PTPRD: variants seen among roughly 807,000 people sequenced by gnomAD.
The protein encoded by PTPRD is receptor-type tyrosine-protein phosphatase delta.
A neutral mutation model predicts 214.5 loss-of-function variants in PTPRD; 34 were observed. The observed-to-expected ratio is 0.16, with a 90% CI of 0.12 to 0.21. The LOEUF (loss-of-function observed/expected upper bound fraction) is 0.21. PTPRD is among the 10% of genes least tolerant of loss of function. The pLI is 1.00. For missense variants in PTPRD, 2,545 were observed against 2,398.7 expected, an observed-to-expected ratio of 1.06 and a Z score of -1.27; for synonymous variants, 1,128 against 845.7, an observed-to-expected ratio of 1.33 and a Z score of -5.79.
At chr9:8,367,875 C>G (rs2080366717) in intron 39 of PTPRD, among the ~76,000 whole-genome samples, 1 of 152,128 alleles carries the variant, frequency 6.6e-6, no homozygotes, top group African/African-American at 2.4e-5. Flanking sequence ...CTTATTTAAT[C>G]TTTAAAACCA....
chr9:9,333,802 T>A (rs1394583918), intron 9 of PTPRD, among the ~76,000 whole-genome samples: 2 of 151,966 alleles, frequency 1.3e-5, no homozygotes, highest in East Asian at 3.9e-4. Flanking sequence ...GTAGATGTGG[T>A]TGGAAAATAA....
At chr9:10,307,308 G>C (rs1656367170) in intron 3 of PTPRD, among the ~76,000 whole-genome samples, 1 of 152,000 alleles carries the variant, frequency 6.6e-6, no homozygotes. Context: ...TCTCACATAT[G>C]AGTAAGAACA....
intron 10 of PTPRD, chr9:9,090,887 G>C (rs193209771): frequency 1.8e-6 from 2 of 1,109,230 alleles, no homozygotes; most frequent in Admixed American, 3.4e-5. Flanking sequence ...TCTCCGGTCC[G>C]TGCCTCCAAG....
At chr9:10,311,141 T>C (rs1023192250) in intron 3 of PTPRD, among the ~76,000 whole-genome samples, 2 of 152,006 alleles carry the variant, frequency 1.3e-5, no homozygotes, top group Admixed American at 6.6e-5. Flanking sequence ...ATCAGCAGTC[T>C]TCCCTTCCTT....
At position 8,929,911 on chromosome 9, in the gene PTPRD, G is replaced by A. The variant is rs62529110; in HGVS notation, c.-104+88786C>T. Among the ~76,000 whole-genome samples, 52 of 42,554 alleles carry A rather than the reference G, an allele frequency of 1.2e-3. 1 individual carries two copies. Among genetic ancestry groups the A allele is most frequent in the African/African-American group, 2.5e-3 (49 of 19,384 alleles). 27.9% of individuals were successfully genotyped at this position (42,554 alleles called of 152,430 possible). On this transcript the variant is annotated intron_variant, in intron 11 of 45. Transcript: ENST00000381196. ...TGTGTATATATATGTGTATATATAT[G>A]TGTGTGTATATATATATGTGTATAT... is the stretch of plus-strand genomic sequence containing the variant.
At chr9:9,449,280 G>A (rs2091432487) in intron 8 of PTPRD, among the ~76,000 whole-genome samples, 1 of 152,010 alleles carries the variant, frequency 6.6e-6, no homozygotes, top group Admixed American at 6.6e-5. Context: ...CTACTTCTCA[G>A]CAATTCAATC....
intron 11 of PTPRD, among the ~76,000 whole-genome samples, chr9:8,975,994 C>T (rs2099265939): frequency 6.6e-6 from 1 of 151,754 alleles, no homozygotes; most frequent in South Asian, 2.1e-4. Context: ...AATTTGCTTC[C>T]ACTTTGCCAT....
At chr9:9,514,649 A>G (rs1308350319) in intron 8 of PTPRD, among the ~76,000 whole-genome samples, 4 of 152,106 alleles carry the variant, frequency 2.6e-5, no homozygotes, top group African/African-American at 7.2e-5. Flanking sequence ...ATTGAGATAT[A>G]AACAGTTACT....
At chr9:8,374,428 G>T (rs191221388) in intron 39 of PTPRD, among the ~76,000 whole-genome samples, 3 of 152,022 alleles carry the variant, frequency 2.0e-5, no homozygotes, top group Admixed American at 6.6e-5. Context: ...CTACTTTCAT[G>T]ATGTAAAACC....
rs567186790 is a variant in PTPRD at position 9,827,544 on chromosome 9, C to T, written c.-367-60693G>A. On this transcript the variant is annotated intron_variant, in intron 5 of 45. Coordinates refer to ENST00000381196, the MANE Select transcript of PTPRD (RefSeq NM_002839.4). ...AAGACTTAAATGTTAGACCTAAAAC[C>T]GTAAAAACCCTAGAAGAAAACCTAG... Among the ~76,000 whole-genome samples the T allele has an allele frequency of 2.0e-4, 31 of 152,168 alleles. 1 individual carries two copies. The South Asian group carries it at 5.0e-3, about 24-fold the overall frequency.
chr9:8,503,386 A>G, intron 23 of PTPRD, among the ~76,000 whole-genome samples: 1 of 152,168 alleles, frequency 6.6e-6, no homozygotes, highest in East Asian at 1.9e-4. Flanking sequence ...AAGACAAAAT[A>G]TCACACAAAG....
intron 14 of PTPRD, among the ~76,000 whole-genome samples, chr9:8,566,071 G>A (rs952038489): frequency 9.4e-5 from 14 of 148,228 alleles, no homozygotes; most frequent in African/African-American, 1.7e-4. Context: ...AAATACTTCC[G>A]CTGAAAAGAT....
At chr9:9,508,774 T>C (rs886365715) in intron 8 of PTPRD, among the ~76,000 whole-genome samples, 1 of 151,670 alleles carries the variant, frequency 6.6e-6, no homozygotes, top group African/African-American at 2.4e-5. Context: ...TCTTATCTCC[T>C]TCCTTTTCCC....
intron 11 of PTPRD, among the ~76,000 whole-genome samples, chr9:8,979,469 G>T (rs12553735): frequency 6.6e-6 from 1 of 151,652 alleles, no homozygotes; most frequent in East Asian, 1.9e-4. Flanking sequence ...GTGGAAAAAA[G>T]TATTTTTAAA....
At chr9:9,164,590 C>T (rs1157924096) in intron 10 of PTPRD, among the ~76,000 whole-genome samples, 3 of 150,354 alleles carry the variant, frequency 2.0e-5, no homozygotes, top group Non-Finnish European at 4.4e-5. Flanking sequence ...TTTCCTATTA[C>T]AGAGCATAAA....
intron 2 of PTPRD, among the ~76,000 whole-genome samples, chr9:10,399,037 G>A (rs1000239205): frequency 1.4e-4 from 22 of 151,860 alleles, no homozygotes; most frequent in African/African-American, 5.3e-4. Flanking sequence ...TCTTCTGTAG[G>A]GTCTCATTCA....
chr9:8,411,638 C>T (rs1373290641), intron 35 of PTPRD, among the ~76,000 whole-genome samples: 1 of 152,148 alleles, frequency 6.6e-6, no homozygotes, highest in Non-Finnish European at 1.5e-5. Flanking sequence ...AAACATTTTC[C>T]TGAATATTAC....
At chr9:10,056,666 C>T (rs6474531) in intron 3 of PTPRD, among the ~76,000 whole-genome samples, 24,232 of 151,976 alleles carry the variant, frequency 0.16, 2,229 homozygotes, top group African/African-American at 0.25. Context: ...CCAAGAGTAA[C>T]TGTGATTCAG....
chr9:9,917,284 C>T (rs1172550681), intron 5 of PTPRD, among the ~76,000 whole-genome samples: 1 of 75,774 alleles, frequency 1.3e-5, no homozygotes, highest in Non-Finnish European at 2.6e-5. Flanking sequence ...ATGAAATTGA[C>T]AAGCCATTAG....
Sources: gnomAD v4.1 joint callset for allele counts (sites outside exome capture counted in the v4.1 genomes callset) on GRCh38, gnomAD v4.1.1 for gene constraint, MANE v1.5 for transcripts, NCBI Gene and HGNC (gene_info 2026-07-23, HGNC 2026-07-21) for gene names.